Variants in ANKS1B observed in about 807,000 individuals in gnomAD.
The protein encoded by ANKS1B is ankyrin repeat and sterile alpha motif domain containing 1B.
A neutral mutation model predicts 148.3 loss-of-function variants in ANKS1B; 36 were observed. That is an observed-to-expected ratio of 0.24 (90% CI 0.19 to 0.32). The LOEUF (loss-of-function observed/expected upper bound fraction) is 0.32, where lower values mean the gene tolerates loss of function less well. ANKS1B is among the 10% of genes least tolerant of loss of function. The pLI is 1.00. For synonymous variants in ANKS1B, 542 were observed against 560.8 expected, an observed-to-expected ratio of 0.97 and a Z score of 0.47; for missense variants, 1,157 against 1,542.6, an observed-to-expected ratio of 0.75 and a Z score of 4.19.
At chr12:99,229,320 T>C (rs899964726) in intron 14 of ANKS1B, among the ~76,000 whole-genome samples, 9 of 151,972 alleles carry the variant, frequency 5.9e-5, no homozygotes, top group Non-Finnish European at 1.2e-4. Flanking sequence ...ATTTCTTTTT[T>C]AAATTTTCTA....
At chr12:99,546,586 C>A (rs896468837) in intron 9 of ANKS1B, among the ~76,000 whole-genome samples, 1 of 152,070 alleles carries the variant, frequency 6.6e-6, no homozygotes. Context: ...CTGATAAGTA[C>A]AGGCAATCAA....
chr12:99,721,635 G>C (rs746848399), intron 8 of ANKS1B, among the ~76,000 whole-genome samples: 2 of 151,918 alleles, frequency 1.3e-5, no homozygotes, highest in African/African-American at 4.8e-5. Context: ...ATCTCCCTTC[G>C]CTGACTCTCT....
At chr12:99,389,471 T>C (rs2093984398) in intron 12 of ANKS1B, among the ~76,000 whole-genome samples, 1 of 152,228 alleles carries the variant, frequency 6.6e-6, no homozygotes. Context: ...AAAAGACTCT[T>C]TTCCTCCTTT....
intron 1 of ANKS1B, among the ~76,000 whole-genome samples, chr12:99,927,648 G>A (rs187220882): frequency 4.6e-5 from 7 of 152,154 alleles, no homozygotes; most frequent in African/African-American, 7.2e-5. Flanking sequence ...CAGGAGCAGC[G>A]GCTCACACCT....
chr12:99,534,706 T>TTTTC (rs1039497090), intron 9 of ANKS1B, among the ~76,000 whole-genome samples: 1 of 146,030 alleles, frequency 6.8e-6, no homozygotes, highest in African/African-American at 2.5e-5. Flanking sequence ...TTCTTTTTTC[T>TTTTC]TTTCTTTTTT....
chr12:99,206,474 T>G (rs1046765065), intron 14 of ANKS1B, among the ~76,000 whole-genome samples: 1 of 151,168 alleles, frequency 6.6e-6, no homozygotes, highest in African/African-American at 2.4e-5. Context: ...CTAAAAAGAT[T>G]TCAAAAAAAA....
rs113117151 is a variant in ANKS1B at position 99,141,236 on chromosome 12, T to C, written c.2526+13053A>G. On this transcript the variant is annotated intron_variant, in intron 15 of 26. Coordinates refer to ENST00000683438, the MANE Select transcript of ANKS1B (RefSeq NM_001352186.2). ...AGTCACCCTTTAGCTATTAGTGTAT[T>C]TCCGTACTCCCATTATCAGAAAAAC... Among the ~76,000 whole-genome samples, 714 of 152,258 alleles carry C rather than the reference T, an allele frequency of 4.7e-3. 6 individuals carry two copies. Among genetic ancestry groups the C allele is most frequent in the South Asian group, 0.022 (108 of 4,822 alleles).
chr12:98,745,845 A>G lies in ANKS1B; in HGVS notation c.3752T>C (p.Ile1251Thr). 4 of 1,612,776 alleles carry G rather than the reference A, an allele frequency of 2.5e-6. No homozygotes were observed. The highest frequency in any genetic ancestry group is 3.4e-6 in the Non-Finnish European group (4 of 1,179,362). Residue 1251 changes from isoleucine (I) to threonine (T), a missense_variant, in exon 27 of 27, where the codon ATC (isoleucine) becomes ACC (threonine). Around this residue, in one of 6 missense-constraint regions of ANKS1B, gnomAD observed 46 missense variants for 62.0 expected, o/e 0.74. Coordinates refer to ENST00000683438, the MANE Select transcript of ANKS1B (RefSeq NM_001352186.2). ...CAGAGTCTTTTGCTCAGATGGGTCG[A>G]TCTGCTTTAAAACAGAAAGGCTGAT... is the stretch of plus-strand genomic sequence containing the variant. The part of the protein sequence containing the change: ...PRVSIRKSVQ[I>T]DPSEQKTLAN...
At chr12:99,719,266 T>C (rs145795834) in intron 8 of ANKS1B, among the ~76,000 whole-genome samples, 1,845 of 152,286 alleles carry the variant, frequency 0.012, 46 homozygotes, top group African/African-American at 0.042. Context: ...CTGACACATA[T>C]ACTTTCTGTT....
chr12:99,207,680 G>A (rs1455937420), intron 14 of ANKS1B, among the ~76,000 whole-genome samples: 1 of 151,844 alleles, frequency 6.6e-6, no homozygotes, highest in Non-Finnish European at 1.5e-5. Flanking sequence ...ATATATGAAA[G>A]CTAAAACTAG....
chr12:98,907,336 T>G (rs1263629567), intron 17 of ANKS1B, among the ~76,000 whole-genome samples: 1 of 152,224 alleles, frequency 6.6e-6, no homozygotes, highest in Non-Finnish European at 1.5e-5. Context: ...AAGCAAGGTC[T>G]GATGGGACTG....
In ANKS1B at chr12:99,404,426, C is replaced by G. The variant is rs2094485437; in HGVS notation, c.1576-4615G>C. ...GCAGATGAGGTATTCAGAATCCTAT[C>G]AGATAAATTTAACAAAGAGATTGAA... On this transcript the variant is annotated intron_variant, in intron 11 of 26. Coordinates refer to ENST00000683438, the MANE Select transcript of ANKS1B (RefSeq NM_001352186.2). Among the ~76,000 whole-genome samples, 2 of 145,532 alleles carry G rather than the reference C, an allele frequency of 1.4e-5. 1 individual carries two copies. The highest frequency in any genetic ancestry group is 5.2e-5 in the African/African-American group (2 of 38,276).
At position 99,246,420 on chromosome 12, in the gene ANKS1B, C is replaced by T. The variant is rs1195904622; in HGVS notation, c.2201G>A (p.Ser734Asn). 1 of 1,613,886 alleles carries T rather than the reference C, an allele frequency of 6.2e-7. No individual in the cohort carries two copies. Among genetic ancestry groups the T allele is most frequent in the Non-Finnish European group, 8.5e-7 (1 of 1,179,854 alleles). The change falls in exon 13 of 27, where the codon AGT becomes AAT. Residue 734 changes from serine (S) to asparagine (N), a missense_variant. Around this residue, in one of 6 missense-constraint regions of ANKS1B, gnomAD observed 661 missense variants for 642.1 expected, o/e 1.03. Coordinates refer to ENST00000683438, the MANE Select transcript of ANKS1B (RefSeq NM_001352186.2). ...KALIDMHLSK[S>N]VSKSDSDLIA... The stretch of plus-strand genomic sequence containing the variant: ...GAGATCAGAATCAGATTTAGAGACA[C>T]TTTTTGACAAATGCATGTCGATCAA...
At chr12:99,085,285 G>A (rs2051265710) in intron 15 of ANKS1B, among the ~76,000 whole-genome samples, 1 of 151,714 alleles carries the variant, frequency 6.6e-6, no homozygotes, top group African/African-American at 2.4e-5. Context: ...ATTCATTCGT[G>A]TGACTTAAAA....
intron 8 of ANKS1B, among the ~76,000 whole-genome samples, chr12:99,686,011 A>G (rs1053182772): frequency 6.6e-6 from 1 of 152,078 alleles, no homozygotes; most frequent in Non-Finnish European, 1.5e-5. Context: ...ATAAAAGACT[A>G]TGCATTGGGT....
At chr12:99,006,836 G>C (rs2099936409) in intron 17 of ANKS1B, among the ~76,000 whole-genome samples, 1 of 152,110 alleles carries the variant, frequency 6.6e-6, no homozygotes, top group Admixed American at 6.5e-5. Context: ...CTGTCATTTA[G>C]TATGCATACC....
At chr12:99,746,908 A>C (rs2060650438) in intron 8 of ANKS1B, among the ~76,000 whole-genome samples, 1 of 151,902 alleles carries the variant, frequency 6.6e-6, no homozygotes, top group South Asian at 2.1e-4. Context: ...TCACCCTCAG[A>C]CTCTCTCTAG....
At chr12:99,047,816 G>A (rs1451302171) in intron 17 of ANKS1B, among the ~76,000 whole-genome samples, 1 of 152,118 alleles carries the variant, frequency 6.6e-6, no homozygotes, top group Non-Finnish European at 1.5e-5. Context: ...ATAGAATAAT[G>A]TCAAAGACAG....
rs117817602 is a variant in ANKS1B, at chr12:99,201,571, T to C, written c.2419+42771A>G. On this transcript the variant is annotated intron_variant, in intron 14 of 26. Coordinates refer to ENST00000683438, the MANE Select transcript of ANKS1B (RefSeq NM_001352186.2). The stretch of plus-strand genomic sequence containing the variant: ...CCTTAAGCATGGAGTTATTTTAGTG[T>C]AATGCCAACACGCTCCTGTCTTGGT... Among the ~76,000 whole-genome samples the C allele has an allele frequency of 3.9e-3, 595 of 152,348 alleles. 4 individuals carry two copies. Among genetic ancestry groups the C allele is most frequent in the Non-Finnish European group, 6.3e-3 (432 of 68,036 alleles).
Sources: allele counts gnomAD v4.1 joint callset (sites outside exome capture counted in the v4.1 genomes callset), GRCh38; gene constraint gnomAD v4.1.1; regional missense constraint gnomAD v4.1.1; transcripts MANE v1.5; gene names NCBI Gene and HGNC (gene_info 2026-07-23, HGNC 2026-07-21).